Variants in ESYT2 observed in about 807,000 individuals in gnomAD.
ESYT2 encodes the protein extended synaptotagmin 2.
In ESYT2, 54 loss-of-function variants were observed where a neutral mutation model predicts 107.2. The observed-to-expected ratio is 0.50, with a 90% CI of 0.40 to 0.63. The LOEUF is 0.63. Ranked by LOEUF, ESYT2 falls within the 30% of genes least tolerant of loss-of-function variation. ESYT2 has a pLI of 0.00. For missense variants in ESYT2, 1,020 were observed against 1,094.5 expected (o/e 0.93, Z 0.96); for synonymous variants, 491 against 434.1 (o/e 1.13, Z -1.63).
At chr7:158,739,175 G>A in intron 18 of ESYT2, 54 bp from the exon 19 acceptor site, 1 of 1,465,808 alleles carries the variant, frequency 6.8e-7, no homozygotes, top group South Asian at 1.1e-5. Context: ...AGAACGTTGT[G>A]ATTCATTGGT....
At chr7:158,776,854 G>A (rs910086233) in intron 6 of ESYT2, among the ~76,000 whole-genome samples, 5 of 148,974 alleles carry the variant, frequency 3.4e-5, no homozygotes, top group Admixed American at 1.3e-4. Flanking sequence ...TTCTAGCTTC[G>A]CTTTTTTTTT....
chr7:158,813,642 T>C (rs1004228135), intron 1 of ESYT2, among the ~76,000 whole-genome samples: 1 of 152,178 alleles, frequency 6.6e-6, no homozygotes, highest in Non-Finnish European at 1.5e-5. Flanking sequence ...CTAAAAGAAA[T>C]ACTAAAGTAA....
intron 6 of ESYT2, among the ~76,000 whole-genome samples, chr7:158,783,659 G>A (rs917183322): frequency 4.6e-5 from 7 of 152,178 alleles, no homozygotes; most frequent in African/African-American, 1.7e-4. Flanking sequence ...GAAGGAAGAC[G>A]AGATCCCCAC....
At chr7:158,806,133 T>TAGGAGGC (rs1839825592) in intron 1 of ESYT2, among the ~76,000 whole-genome samples, 1 of 36,326 alleles carries the variant, frequency 2.8e-5, no homozygotes, top group African/African-American at 7.3e-5. Context: ...GCGTGGGAGG[T>TAGGAGGC]GCCGGGGCAC....
At chr7:158,777,888 C>T (rs1838625762) in intron 6 of ESYT2, among the ~76,000 whole-genome samples, 1 of 152,120 alleles carries the variant, frequency 6.6e-6, no homozygotes, top group South Asian at 2.1e-4. Flanking sequence ...CGAGAATTGC[C>T]GAAACATGAC....
At chr7:158,787,909 G>A in intron 6 of ESYT2, 95 bp downstream of exon 6, 1 of 956,148 alleles carries the variant, frequency 1.0e-6, no homozygotes, top group South Asian at 1.4e-5. Flanking sequence ...ACGGTGAGTT[G>A]ATAAAATTTT....
intron 10 of ESYT2, among the ~76,000 whole-genome samples, chr7:158,762,325 G>A (rs573505555): frequency 1.3e-5 from 2 of 152,194 alleles, no homozygotes; most frequent in South Asian, 4.1e-4. Context: ...TCCACACAGT[G>A]ATTTTCCTAG....
At chr7:158,765,164 A>G (rs1838110942) in intron 8 of ESYT2, among the ~76,000 whole-genome samples, 1 of 151,984 alleles carries the variant, frequency 6.6e-6, no homozygotes, top group Non-Finnish European at 1.5e-5. Flanking sequence ...GCAGCCCCAG[A>G]GCGCGCTCCT....
At position 158,829,117 on chromosome 7, in the gene ESYT2, C is replaced by T. The variant is rs1389170150; in HGVS notation, c.302G>A (p.Gly101Glu). The T allele has an allele frequency of 6.3e-7, 1 of 1,578,656 alleles. No homozygotes were observed. The highest frequency in any genetic ancestry group is 1.7e-5 in the Admixed American group (1 of 57,926). ...LEDEERVVRL[G>E]VRACDLPAWV... is the part of the protein sequence containing the mutation. Reference sequence around the variant, plus strand: ...GGCGGGCAGGTCGCAGGCGCGCACCCCCAGGCGCACGACGCGCTCCTCGTC... The same window carrying T: ...GGCGGGCAGGTCGCAGGCGCGCACCTCCAGGCGCACGACGCGCTCCTCGTC... Residue 101 changes from glycine (G) to glutamate (E), a missense_variant, in exon 1 of 23, where the codon GGG becomes GAG. By Grantham distance (98) the Gly-to-Glu change is moderately conservative (BLOSUM62 -2). Coordinates refer to ENST00000275418, the MANE Select transcript of ESYT2 (RefSeq NM_001367773.1).
At chr7:158,788,839 T>A (rs1839192595) in intron 4 of ESYT2, among the ~76,000 whole-genome samples, 1 of 152,230 alleles carries the variant, frequency 6.6e-6, no homozygotes, top group African/African-American at 2.4e-5. Flanking sequence ...TTCACACAAA[T>A]AAATTTCACA....
intron 1 of ESYT2, among the ~76,000 whole-genome samples, chr7:158,809,196 C>T (rs151074636): frequency 1.2e-4 from 18 of 151,572 alleles, no homozygotes; most frequent in East Asian, 3.9e-4. Context: ...AGTGACGGGG[C>T]GTGGTGCGTG....
At chr7:158,779,002 G>A (rs1256109325) in intron 6 of ESYT2, among the ~76,000 whole-genome samples, 2 of 152,132 alleles carry the variant, frequency 1.3e-5, no homozygotes. Context: ...GGAGGGCACT[G>A]ACATAATGTT....
chr7:158,826,177 T>TGCTG (rs1163055965), intron 1 of ESYT2, among the ~76,000 whole-genome samples: 1 of 152,182 alleles, frequency 6.6e-6, no homozygotes, highest in East Asian at 1.9e-4. Context: ...CCATGCAACC[T>TGCTG]GCTGGTTTTA....
intron 18 of ESYT2, 101 bp from the exon 19 acceptor site, chr7:158,739,222 A>C: frequency 9.7e-7 from 1 of 1,027,988 alleles, no homozygotes; most frequent in East Asian, 2.7e-5. Flanking sequence ...ATTCATTTAG[A>C]CAAAAAGAAG....
At chr7:158,765,613 G>A (rs1254129493) in intron 8 of ESYT2, among the ~76,000 whole-genome samples, 4 of 151,972 alleles carry the variant, frequency 2.6e-5, no homozygotes, top group African/African-American at 4.8e-5. Flanking sequence ...GCGCATGTCC[G>A]TAGTCCCAGT....
In ESYT2 at chr7:158,744,627, G is replaced by T. The variant is rs184690523; in HGVS notation, c.1645-949C>A. Among the ~76,000 whole-genome samples, 883 of 152,258 alleles carry T rather than the reference G, an allele frequency of 5.8e-3. 4 individuals are homozygous for T. Among genetic ancestry groups the T allele is most frequent in the Non-Finnish European group, 0.01 (685 of 68,022 alleles). On this transcript the variant is annotated intron_variant, in intron 16 of 22. Coordinates refer to ENST00000275418, the MANE Select transcript of ESYT2 (RefSeq NM_001367773.1). ...GATCCTCTCATCTCAGCCTCCCAAA[G>T]TACTGAGATTACAGGTGTGAGCCAC...
Position 158,788,349 on chromosome 7 carries a change from A to G in ESYT2, c.653T>C (p.Ile218Thr). ...ACAAAAAAACAAAAAACTTACCTGG[A>G]TACTTTTCACACCAGCTCTACAAAA... The part of the protein sequence containing the change: ...RYFCRAGVKS[I>T]QIHGTMRVIL... The change falls in exon 5 of 23, where the codon ATC (isoleucine) becomes ACC (threonine). Residue 218 changes from isoleucine (I) to threonine (T), a missense_variant. Ile to Thr is a moderately conservative substitution (Grantham distance 89, BLOSUM62 -1). Coordinates refer to ENST00000275418, the MANE Select transcript of ESYT2 (RefSeq NM_001367773.1). 3 of 1,609,270 alleles carry G rather than the reference A, an allele frequency of 1.9e-6. No homozygotes were observed. Among genetic ancestry groups the G allele is most frequent in the Non-Finnish European group, 2.5e-6 (3 of 1,178,676 alleles).
chr7:158,763,184 G>C lies in ESYT2; in HGVS notation c.1102-19C>G, dbSNP rs774882441. ...CTAAAGCCTAAAACATCAATGGTTA[G>C]TAGTTAAGTGCATTTTTACTAATAT... On this transcript the variant is annotated intron_variant, in intron 9 of 22. Coordinates refer to ENST00000275418, the MANE Select transcript of ESYT2 (RefSeq NM_001367773.1). 2.5e-6 allele frequency: 4 copies of C among 1,590,444 alleles called. No individual in the cohort carries two copies. The African/African-American group carries it at 4.0e-5, about 16-fold the overall frequency.
At chr7:158,740,114 G>C (rs181604808) in intron 18 of ESYT2, among the ~76,000 whole-genome samples, 58 of 152,348 alleles carry the variant, frequency 3.8e-4, no homozygotes, top group Non-Finnish European at 6.2e-4. Flanking sequence ...CTGCAGCTTT[G>C]ACTGACGAGA....
Sources: allele counts gnomAD v4.1 joint callset (sites outside exome capture counted in the v4.1 genomes callset), GRCh38; gene constraint gnomAD v4.1.1; transcripts MANE v1.5; gene names NCBI Gene and HGNC (gene_info 2026-07-23, HGNC 2026-07-21).